RNF19B: variants seen among roughly 807,000 people sequenced by gnomAD.
RNF19B encodes E3 ubiquitin-protein ligase RNF19B.
In RNF19B, 23 loss-of-function variants were observed where a neutral mutation model predicts 65.5. The observed-to-expected ratio is 0.35, with a 90% CI of 0.25 to 0.50. RNF19B has a LOEUF of 0.50. RNF19B is among the 20% of genes least tolerant of loss of function. The pLI is 0.98. For synonymous variants in RNF19B, 372 were observed against 379.6 expected, an observed-to-expected ratio of 0.98 and a Z score of 0.23; for missense variants, 794 against 980.0, an observed-to-expected ratio of 0.81 and a Z score of 2.53.
In RNF19B at chr1:32,949,771, A is replaced by T. The variant is rs772886371; in HGVS notation, c.639T>A (p.Tyr213Ter). The T allele has an allele frequency of 1.9e-6, 3 of 1,612,882 alleles. No homozygotes were observed. The highest frequency in any genetic ancestry group is 2.5e-6 in the Non-Finnish European group (3 of 1,179,512). ...CRWCPAPDCG[Y>*]AVIAYGCASC... The stretch of plus-strand genomic sequence containing the variant: ...TGGCACAGCCATAGGCAATAACAGC[A>T]TAACTAGGTAAGGAAACAGTAAGAG... The change falls in exon 2 of 9, where the codon TAT becomes TAA. Residue 213 changes from tyrosine (Y) to a stop codon, truncating the protein, a stop_gained. Transcript: ENST00000235150. LOFTEE classifies it high-confidence loss of function.
intron 7 of RNF19B, among the ~76,000 whole-genome samples, chr1:32,940,264 G>A (rs544483188): frequency 6.6e-5 from 10 of 152,272 alleles, no homozygotes; most frequent in Non-Finnish European, 1.3e-4. Flanking sequence ...ATTACCTGGG[G>A]AGCTTTTGCA....
In RNF19B at chr1:32,942,280, G is replaced by A; in HGVS notation, c.1582C>T (p.Leu528Phe). The A allele has an allele frequency of 6.2e-7, 1 of 1,611,988 alleles. No homozygotes were observed. The highest frequency in any genetic ancestry group is 8.5e-7 in the Non-Finnish European group (1 of 1,178,192). Reference protein sequence around the residue: ...LSGGTLSGGILSSGKGKYSRL... With the variant: ...LSGGTLSGGIFSSGKGKYSRL... ...CTATATTTTCCCTTGCCACTGGAGA[G>A]AATGCCGCCACTCAGCGTGCCCCCT... is the stretch of plus-strand genomic sequence containing the variant. Residue 528 changes from leucine to phenylalanine, a missense_variant, in exon 7 of 9, where the codon CTC (leucine) becomes TTC (phenylalanine). Physicochemically the swap from Leu to Phe is conservative, Grantham distance 22. Transcript: ENST00000235150.
Position 32,961,597 on chromosome 1 carries a change from C to G in RNF19B, c.635+2454G>C, listed in dbSNP as rs189873255. ...ATTGAGAGGCCAGCTTTCTTCTTTC[C>G]CCAAACTCCACCTTAAGTCCGTAGA... On this transcript the variant is annotated intron_variant, in intron 1 of 8. Transcript: ENST00000235150. Among the ~76,000 whole-genome samples the G allele has an allele frequency of 6.6e-5, 10 of 152,096 alleles. No homozygotes were observed. In the East Asian group the frequency reaches 1.9e-3, roughly 29 times the overall value.
chr1:32,954,505 G>A (rs1304313678), intron 1 of RNF19B, among the ~76,000 whole-genome samples: 1 of 151,706 alleles, frequency 6.6e-6, no homozygotes, highest in Admixed American at 6.6e-5. Context: ...CTGGGAGGCC[G>A]AGGCAGGTGG....
At chr1:32,957,290 C>A (rs1642661955) in intron 1 of RNF19B, among the ~76,000 whole-genome samples, 1 of 152,186 alleles carries the variant, frequency 6.6e-6, no homozygotes, top group Non-Finnish European at 1.5e-5. Context: ...CAGGTGCACA[C>A]CACCATGCCT....
chr1:32,942,867 G>A (rs1413169166), intron 6 of RNF19B, among the ~76,000 whole-genome samples: 10 of 152,168 alleles, frequency 6.6e-5, no homozygotes, highest in African/African-American at 1.9e-4. Flanking sequence ...CCGGCCGGGC[G>A]CGGTGGCTCA....
chr1:32,960,492 A>C (rs1642744508), intron 1 of RNF19B, among the ~76,000 whole-genome samples: 2 of 152,132 alleles, frequency 1.3e-5, no homozygotes, highest in Admixed American at 6.5e-5. Flanking sequence ...ACAAAGGAGC[A>C]GTGTGCAGTG....
At chr1:32,954,214 C>CT (rs1206250393) in intron 1 of RNF19B, among the ~76,000 whole-genome samples, 177 of 144,312 alleles carry the variant, frequency 1.2e-3, no homozygotes, top group South Asian at 2.0e-3. Context: ...GCCCAGCCCA[C>CT]TTTTTTTTTT....
At chr1:32,941,542 AAAAAT>A (rs71278769) in intron 7 of RNF19B, among the ~76,000 whole-genome samples, 4 of 151,592 alleles carry the variant, frequency 2.6e-5, no homozygotes, top group Admixed American at 6.6e-5. Context: ...TCCGTCTCAA[AAAAAT>A]AAAATAAAAT....
intron 1 of RNF19B, among the ~76,000 whole-genome samples, chr1:32,950,904 G>A (rs1289715323): frequency 8.1e-5 from 12 of 148,694 alleles, no homozygotes; most frequent in Non-Finnish European, 8.9e-5. Context: ...GCAGTGGCGC[G>A]ACTCGGCTCA....
chr1:32,948,819 A>G lies in RNF19B; in HGVS notation c.842-456T>C, dbSNP rs192413594. ...CATGTATCATTGTGATTTGCTGTTA[A>G]CATAGCCCACAATCCCTTCCCATGA... On this transcript the variant is annotated intron_variant, in intron 2 of 8. Coordinates refer to ENST00000235150, the MANE Select transcript of RNF19B (RefSeq NM_001300826.2). Among the ~76,000 whole-genome samples the G allele has an allele frequency of 3.6e-3, 544 of 152,318 alleles. 16 individuals carry two copies. The highest frequency in any genetic ancestry group is 2.1e-3 in the South Asian group (10 of 4,826).
chr1:32,931,930 C>G (rs142954491), downstream of RNF19B, among the ~76,000 whole-genome samples: 757 of 152,270 alleles, frequency 5.0e-3, 7 homozygotes, highest in African/African-American at 0.016. Flanking sequence ...GTGACTAGAT[C>G]TACATTTCAT....
chr1:32,937,125 C>T lies in RNF19B; in HGVS notation c.1877G>A (p.Gly626Asp). 6.2e-7 allele frequency: 1 copy of T among 1,614,214 alleles called. No homozygotes were observed. The highest frequency in any genetic ancestry group is 8.5e-7 in the Non-Finnish European group (1 of 1,180,050). The change falls in exon 9 of 9, where the codon GGT becomes GAT. Residue 626 changes from glycine to aspartate, a missense_variant. By Grantham distance (94) the Gly-to-Asp change is moderately conservative (BLOSUM62 -1). Coordinates refer to ENST00000235150, the MANE Select transcript of RNF19B (RefSeq NM_001300826.2). ...QMAENEEEGS[G>D]GGGSEEDPPC... ...GGGATCCTCTTCACTGCCTCCGCCA[C>T]CACTACCTTCTTCTTCATTCTCTGC...
intron 1 of RNF19B, among the ~76,000 whole-genome samples, chr1:32,952,087 CT>C (rs1642514152): frequency 6.6e-6 from 1 of 151,552 alleles, no homozygotes; most frequent in Admixed American, 6.6e-5. Flanking sequence ...GTGTGAGCCA[CT>C]GCACTCAGCT....
intron 1 of RNF19B, among the ~76,000 whole-genome samples, chr1:32,962,804 A>G (rs1642802867): frequency 6.6e-6 from 1 of 152,214 alleles, no homozygotes; most frequent in Admixed American, 6.5e-5. Context: ...AGAACAGGTA[A>G]TGGCTGTCTG....
Position 32,948,382 on chromosome 1 carries a change from G to A in RNF19B, c.842-19C>T, listed in dbSNP as rs771157444. On this transcript the variant is annotated intron_variant, in intron 2 of 8. Transcript: ENST00000235150. ...ATGTCATCTGCTATGAGTGGGGGAA[G>A]AATGGGTAGAAAAAATACCCCTAGT... 5.0e-6 allele frequency: 8 copies of A among 1,605,816 alleles called. No homozygotes were observed. In the East Asian group the frequency reaches 1.3e-4, roughly 27 times the overall value.
intron 7 of RNF19B, among the ~76,000 whole-genome samples, chr1:32,941,164 A>G (rs1489643395): frequency 6.6e-6 from 1 of 152,164 alleles, no homozygotes; most frequent in African/African-American, 2.4e-5. Flanking sequence ...TTGAGGCTGC[A>G]GTGAGCCATG....
chr1:32,950,475 G>T lies in RNF19B; in HGVS notation c.636-701C>A, dbSNP rs140656184. The stretch of plus-strand genomic sequence containing the variant: ...TAGTTTGCTATATTTAGAGAGATTA[G>T]TATTTGTTTATACGAAGGAAGAGGA... On this transcript the variant is annotated intron_variant, in intron 1 of 8. Transcript: ENST00000235150. Among the ~76,000 whole-genome samples, 292 of 152,142 alleles carry T rather than the reference G, an allele frequency of 1.9e-3. 1 individual carries two copies. The highest frequency in any genetic ancestry group is 6.6e-3 in the African/African-American group (275 of 41,502).
the RNF19B span, among the ~76,000 whole-genome samples, chr1:32,930,879 G>A: frequency 1.3e-5 from 2 of 152,118 alleles, no homozygotes; most frequent in Non-Finnish European, 2.9e-5. Context: ...CTTGAGGTCG[G>A]GAGTTCAAGA....
Sources: allele counts gnomAD v4.1 joint callset (sites outside exome capture counted in the v4.1 genomes callset), GRCh38; gene constraint gnomAD v4.1.1; transcripts MANE v1.5; gene names NCBI Gene and HGNC (gene_info 2026-07-23, HGNC 2026-07-21).